Variants in RALB observed in about 807,000 individuals in gnomAD.
RALB encodes ras-related protein Ral-B.
Under a neutral mutation model 21.3 loss-of-function variants are expected in RALB, and 16 were observed. The ratio of observed to expected loss-of-function variants is 0.75; its 90% CI spans 0.51 to 1.14. The LOEUF (loss-of-function observed/expected upper bound fraction) is 1.14, where lower values mean the gene tolerates loss of function less well. Ranked by LOEUF, RALB falls within the 50% of genes most tolerant of loss-of-function variation. The pLI, the probability that RALB is intolerant of heterozygous loss-of-function variation, is 0.00. For missense variants in RALB, 161 were observed against 256.2 expected, an observed-to-expected ratio of 0.63 and a Z score of 2.54; for synonymous variants, 93 against 96.1, an observed-to-expected ratio of 0.97 and a Z score of 0.19.
At chr2:120,256,571 C>T (rs991064406) in intron 1 of RALB, among the ~76,000 whole-genome samples, 17 of 152,162 alleles carry the variant, frequency 1.1e-4, no homozygotes, top group African/African-American at 4.1e-4. Context: ...TGCTGGCACT[C>T]ATTCTCTCTC....
chr2:120,279,537 T>G (rs1286743074), intron 2 of RALB, among the ~76,000 whole-genome samples: 1 of 152,188 alleles, frequency 6.6e-6, no homozygotes, highest in African/African-American at 2.4e-5. Flanking sequence ...TACATTGTAT[T>G]ATGTATTATA....
intron 1 of RALB, among the ~76,000 whole-genome samples, chr2:120,260,263 G>C (rs1467537115): frequency 1.3e-5 from 2 of 152,252 alleles, no homozygotes; most frequent in East Asian, 3.8e-4. Flanking sequence ...AGGCAGGGGA[G>C]GTGCCTAGAG....
intron 1 of RALB, among the ~76,000 whole-genome samples, chr2:120,269,660 A>C (rs1287989248): frequency 6.6e-6 from 1 of 152,224 alleles, no homozygotes; most frequent in African/African-American, 2.4e-5. Flanking sequence ...TCCTCTTGTA[A>C]GACAGAAAAG....
At chr2:120,262,996 C>G (rs1015415971) in intron 1 of RALB, among the ~76,000 whole-genome samples, 3 of 152,140 alleles carry the variant, frequency 2.0e-5, no homozygotes, top group Admixed American at 2.0e-4. Context: ...GAGTCAGTGG[C>G]TGAAGGAGGA....
chr2:120,242,045 G>A (rs1261426330), intron 1 of RALB, among the ~76,000 whole-genome samples: 1 of 152,214 alleles, frequency 6.6e-6, no homozygotes, highest in African/African-American at 2.4e-5. Context: ...TGGATAAACA[G>A]AGTGTGGCAC....
chr2:120,280,017 G>A (rs550989585), intron 2 of RALB, among the ~76,000 whole-genome samples: 24 of 152,298 alleles, frequency 1.6e-4, no homozygotes, highest in African/African-American at 3.8e-4. Context: ...TACTCCAACC[G>A]CCCACTGTGC....
upstream of RALB, among the ~76,000 whole-genome samples, chr2:120,252,061 A>C (rs545395191): frequency 3.0e-4 from 46 of 152,284 alleles, no homozygotes; most frequent in African/African-American, 1.1e-3. Context: ...CAGACGTTTA[A>C]ACTGTCAGTT....
chr2:120,262,858 G>C (rs564401833), intron 1 of RALB, among the ~76,000 whole-genome samples: 21 of 152,302 alleles, frequency 1.4e-4, no homozygotes, highest in African/African-American at 4.8e-4. Context: ...ATGAAAATCT[G>C]CCTGTGCTTG....
chr2:120,271,533 C>T (rs1689665749), intron 1 of RALB, among the ~76,000 whole-genome samples: 2 of 152,190 alleles, frequency 1.3e-5, no homozygotes, highest in African/African-American at 4.8e-5. Context: ...ATCAAAGTTT[C>T]TTAAGATGGC....
At chr2:120,268,567 G>C (rs773545801) in intron 1 of RALB, among the ~76,000 whole-genome samples, 1 of 152,174 alleles carries the variant, frequency 6.6e-6, no homozygotes, top group Non-Finnish European at 1.5e-5. Flanking sequence ...GGCCCAGGAC[G>C]GGAGTGTGTG....
chr2:120,240,130 GTGCCCGCCCTCGGTGTGGA>G, intron 1 of RALB: 1 of 1,289,728 alleles, frequency 7.8e-7, no homozygotes, highest in Non-Finnish European at 1.0e-6. Flanking sequence ...AGTCAGGTGG[GTGCCCGCCCTCGGTGTGGA>G]TTGCACTTCG....
chr2:120,279,144 A>G (rs1380652429), intron 2 of RALB, among the ~76,000 whole-genome samples: 18 of 152,192 alleles, frequency 1.2e-4, no homozygotes, highest in Non-Finnish European at 1.8e-4. Context: ...AGTGAAAGAG[A>G]GTGAAAGGGG....
At chr2:120,293,059 C>T (rs1320159416) in intron 4 of RALB, 82 bp from the exon 5 acceptor site, 46 of 1,359,458 alleles carry the variant, frequency 3.4e-5, no homozygotes, top group Non-Finnish European at 4.5e-5. Flanking sequence ...GCTGTGTTCA[C>T]AGTGTCAGGT....
chr2:120,245,960 T>C (rs1688963321), intron 1 of RALB, among the ~76,000 whole-genome samples: 1 of 152,198 alleles, frequency 6.6e-6, no homozygotes, highest in Non-Finnish European at 1.5e-5. Flanking sequence ...GAGATGCGCA[T>C]TTTAATGGTT....
intron 2 of RALB, among the ~76,000 whole-genome samples, chr2:120,284,756 C>T (rs1690083274): frequency 1.7e-5 from 1 of 57,766 alleles, no homozygotes; most frequent in Non-Finnish European, 3.7e-5. Context: ...CAAAAAAAAC[C>T]AACCTACGTA....
intron 1 of RALB, among the ~76,000 whole-genome samples, chr2:120,277,906 TGTGAATGTGA>T (rs1689872385): frequency 6.6e-6 from 1 of 151,002 alleles, no homozygotes; most frequent in Non-Finnish European, 1.5e-5. Flanking sequence ...TGAGCGTGTG[TGTGAATGTGA>T]GTTAATGTGA....
At chr2:120,289,047 G>C (rs779061419) in intron 3 of RALB, among the ~76,000 whole-genome samples, 7 of 152,214 alleles carry the variant, frequency 4.6e-5, no homozygotes, top group Non-Finnish European at 8.8e-5. Context: ...TTTCACTGCA[G>C]GGGGGAGAAA....
intron 1 of RALB, among the ~76,000 whole-genome samples, chr2:120,265,058 G>A (rs1689467266): frequency 6.6e-6 from 1 of 152,114 alleles, no homozygotes; most frequent in Non-Finnish European, 1.5e-5. Flanking sequence ...TGTGAACATG[G>A]GTGTATAAAT....
rs1256128881 is a variant in RALB at position 120,286,069 on chromosome 2, A to G, written c.310A>G (p.Thr104Ala). The change falls in exon 3 of 5, where the codon ACT (threonine) becomes GCT (alanine). Residue 104 changes from threonine (T) to alanine (A), a missense_variant. Physicochemically the swap from Thr to Ala is moderately conservative, Grantham distance 58 (BLOSUM62 0). Coordinates refer to ENST00000272519, the MANE Select transcript of RALB (RefSeq NM_002881.3). ...CACAGAACATGAATCCTTTACAGCA[A>G]CTGCCGAATTCAGGTATGTCTGAAA... The part of the protein sequence containing the change: ...SITEHESFTA[T>A]AEFREQILRV... 1.9e-6 allele frequency: 3 copies of G among 1,614,002 alleles called. No homozygotes were observed. The highest frequency in any genetic ancestry group is 1.7e-6 in the Non-Finnish European group (2 of 1,179,948).
Sources: gnomAD v4.1 joint callset for allele counts (sites outside exome capture counted in the v4.1 genomes callset) on GRCh38, gnomAD v4.1.1 for gene constraint, MANE v1.5 for transcripts, NCBI Gene and HGNC (gene_info 2026-07-23, HGNC 2026-07-21) for gene names.